ARHGAP33: variants seen among roughly 807,000 people sequenced by gnomAD.
The protein encoded by ARHGAP33 is Rho GTPase activating protein 33.
In ARHGAP33, 57 loss-of-function variants were observed where a neutral mutation model predicts 126.2. The observed-to-expected ratio is 0.45, with a 90% CI of 0.36 to 0.56. ARHGAP33 has a LOEUF of 0.56. Ranked by LOEUF, ARHGAP33 falls within the 20% of genes least tolerant of loss-of-function variation. The probability of loss-of-function intolerance (pLI) is 0.00; values close to 1 mark genes in which losing one functional copy is unlikely to be tolerated. For synonymous variants in ARHGAP33, 711 were observed against 755.0 expected (o/e 0.94, Z 0.95); for missense variants, 1,500 against 1,748.3 (o/e 0.86, Z 2.53).
intron 12 of ARHGAP33, 111 bp downstream of exon 12, chr19:35,781,363 A>G (rs1599783100): frequency 2.7e-6 from 3 of 1,118,844 alleles, no homozygotes; most frequent in Non-Finnish European, 2.7e-6. Context: ...GAGTGGCAGG[A>G]TCAAGGCTGG....
intron 12 of ARHGAP33, 63 bp downstream of exon 12, chr19:35,781,315 C>A: frequency 6.6e-7 from 1 of 1,517,092 alleles, no homozygotes; most frequent in South Asian, 1.1e-5. Context: ...CACTCCAGCC[C>A]CGTGCTGCAT....
rs1442014033 is a variant in ARHGAP33 at position 35,785,179 on chromosome 19, C to A, written c.1722-10C>A. Reference sequence around the variant, plus strand: ...CTCAGACGGCCTCCTGTTTCTCCCCCAAACCGCAGGAGGAAAGGGGAGAGA... The same window carrying A: ...CTCAGACGGCCTCCTGTTTCTCCCCAAAACCGCAGGAGGAAAGGGGAGAGA... On this transcript the variant is annotated splice_polypyrimidine_tract_variant and intron_variant, in intron 17 of 20. Coordinates refer to ENST00000007510, the MANE Select transcript of ARHGAP33 (RefSeq NM_001366178.1). 13 of 1,576,114 alleles carry A rather than the reference C, an allele frequency of 8.2e-6. No homozygotes were observed. Among genetic ancestry groups the A allele is most frequent in the Non-Finnish European group, 1.1e-5 (13 of 1,156,962 alleles).
rs1599800676 is a variant in ARHGAP33, at chr19:35,786,654, A to G, written c.2184A>G (p.Pro728=). Residue 728 remains proline, a synonymous_variant, in exon 20 of 21, where the codon CCA becomes CCG. Transcript: ENST00000007510. This position sits in a 1 kb window ranked among gnomAD's most constrained non-coding sequence, Gnocchi z 7.0. ...LDDGDELDFS[P]PRCLEGLRGL... ...ATGGTGATGAGCTGGACTTCAGCCC[A>G]CCCCGCTGCCTGGAGGGACTCCGGG... is the stretch of plus-strand genomic sequence containing the variant. 6.5e-7 allele frequency: 1 copy of G among 1,534,574 alleles called. No individual in the cohort carries two copies. Among genetic ancestry groups the G allele is most frequent in the South Asian group, 1.2e-5 (1 of 84,018 alleles).
chr19:35,784,821 C>T (rs1972018199), intron 16 of ARHGAP33, 132 bp from the exon 17 acceptor site: 15 of 1,391,322 alleles, frequency 1.1e-5, no homozygotes, highest in Non-Finnish European at 1.1e-5. Context: ...CCGCCTGATC[C>T]GCCCCGGCCC....
chr19:35,788,209 G>A lies in ARHGAP33; in HGVS notation c.3644G>A (p.Gly1215Glu). The change falls in exon 21 of 21, where the codon GGA (glycine) becomes GAA (glutamate). Residue 1215 changes from glycine (G) to glutamate (E), a missense_variant. Coordinates refer to ENST00000007510, the MANE Select transcript of ARHGAP33 (RefSeq NM_001366178.1). ...RLPQKQRAPW[G>E]PRTPHRVPGP... ...CCCCAGAAACAACGGGCACCCTGGGGACCCCGTACCCCTCATAGGGTGCCG... is the reference window on the plus strand; with the variant it reads ...CCCCAGAAACAACGGGCACCCTGGGAACCCCGTACCCCTCATAGGGTGCCG... The A allele has an allele frequency of 6.2e-7, 1 of 1,608,248 alleles. No homozygotes were observed. Among genetic ancestry groups the A allele is most frequent in the East Asian group, 2.2e-5 (1 of 44,644 alleles).
Position 35,786,593 on chromosome 19 carries a change from G to T in ARHGAP33, c.2123G>T (p.Gly708Val), listed in dbSNP as rs952236428. 64 of 1,535,610 alleles carry T rather than the reference G, an allele frequency of 4.2e-5. No individual in the cohort carries two copies. The highest frequency in any genetic ancestry group is 5.4e-5 in the Non-Finnish European group (62 of 1,146,766). The change falls in exon 20 of 21, where the codon GGG (glycine) becomes GTG (valine). Residue 708 changes from glycine to valine, a missense_variant. By Grantham distance (109) the Gly-to-Val change is moderately radical (BLOSUM62 -3). Coordinates refer to ENST00000007510, the MANE Select transcript of ARHGAP33 (RefSeq NM_001366178.1). The surrounding 1 kb of genome is among the most constrained non-coding windows in gnomAD (Gnocchi z 7.0). ...SSAAGLGALS[G>V]SPSHRTSAWL... ...GCAGCTGGGCTGGGGGCACTCTCTG[G>T]GTCTCCCTCACACCGTACCTCAGCC...
At chr19:35,784,360 C>A (rs752962107) in intron 16 of ARHGAP33, 43 bp downstream of exon 16, 14 of 1,510,434 alleles carry the variant, frequency 9.3e-6, no homozygotes, top group Middle Eastern at 1.8e-4. Flanking sequence ...CTGCCCACCA[C>A]GATCAGGGCT....
Position 35,779,144 on chromosome 19 carries a change from T to A in ARHGAP33, c.501+20T>A, listed in dbSNP as rs1204910758. The A allele has an allele frequency of 6.5e-7, 1 of 1,545,392 alleles. No homozygotes were observed. Among genetic ancestry groups the A allele is most frequent in the African/African-American group, 1.4e-5 (1 of 72,964 alleles). ...ATGGAGGTGGGCCTGGGCAGGGGGC[T>A]TGGAGATTCCGAGTGGGTGAGGGGG... On this transcript the variant is annotated intron_variant, in intron 6 of 20. Coordinates refer to ENST00000007510, the MANE Select transcript of ARHGAP33 (RefSeq NM_001366178.1).
rs369631509 is a variant in ARHGAP33 at position 35,787,748 on chromosome 19, G to T, written c.3183G>T (p.Gln1061His). ...ACCCCCTGGGCCCCCCATCCTTCCA[G>T]CCCAGTTCCCCAGCCCCAGTCTGGA... ...GLYPLGPPSF[Q>H]PSSPAPVWRS... is the part of the protein sequence containing the mutation. The change falls in exon 21 of 21, where the codon CAG becomes CAT. Residue 1061 changes from glutamine to histidine, a missense_variant. By Grantham distance (24) the Gln-to-His change is conservative. Coordinates refer to ENST00000007510, the MANE Select transcript of ARHGAP33 (RefSeq NM_001366178.1). 150 of 1,578,770 alleles carry T rather than the reference G, an allele frequency of 9.5e-5. No homozygotes were observed. Among genetic ancestry groups the T allele is most frequent in the Non-Finnish European group, 1.1e-4 (131 of 1,168,708 alleles).
chr19:35,788,433 C>T lies in ARHGAP33; in HGVS notation c.*4C>T. ...CCAGACCCGAAGCTACTGCTGAGCA[C>T]CAGCTGGGAGGGGCCGTCCTTCCTT... On this transcript the variant is annotated 3_prime_UTR_variant, in exon 21 of 21. Coordinates refer to ENST00000007510, the MANE Select transcript of ARHGAP33 (RefSeq NM_001366178.1). 6.5e-7 allele frequency: 1 copy of T among 1,536,822 alleles called. No homozygotes were observed. The highest frequency in any genetic ancestry group is 8.8e-7 in the Non-Finnish European group (1 of 1,139,932).
rs1187335497 is a variant in ARHGAP33 at position 35,786,288 on chromosome 19, G to GCT, written c.1943-122_1943-121dup. 1 of 1,435,884 alleles carries GCT rather than the reference G, an allele frequency of 7.0e-7. No homozygotes were observed. Among genetic ancestry groups the GCT allele is most frequent in the Non-Finnish European group, 9.1e-7 (1 of 1,099,540 alleles). 88.9% of individuals were successfully genotyped at this position (1,435,884 alleles called of 1,614,324 possible). On this transcript the variant is annotated intron_variant, in intron 19 of 20. Transcript: ENST00000007510. The surrounding 1 kb of genome is among the most constrained non-coding windows in gnomAD (Gnocchi z 7.0). ...ATGGTCTCCACTGTCAATCTGAACA[G>GCT]CTCTTCCTGGCTTCACACTACTGTG...
At position 35,788,026 on chromosome 19, in the gene ARHGAP33, C is replaced by A. The variant is rs1236584167; in HGVS notation, c.3461C>A (p.Ala1154Asp). The stretch of plus-strand genomic sequence containing the variant: ...CCCCCTGACCACCTTGGCTACTCAG[C>A]CCCCCAGCACCCTGCTCGGCGCCCT... ...CFPPDHLGYS[A>D]PQHPARRPTP... is the part of the protein sequence containing the mutation. Residue 1154 changes from alanine to aspartate, a missense_variant, in exon 21 of 21, where the codon GCC (alanine) becomes GAC (aspartate). By Grantham distance (126) the Ala-to-Asp change is moderately radical. Coordinates refer to ENST00000007510, the MANE Select transcript of ARHGAP33 (RefSeq NM_001366178.1). The A allele has an allele frequency of 6.2e-7, 1 of 1,604,252 alleles. No homozygotes were observed. The highest frequency in any genetic ancestry group is 8.5e-7 in the Non-Finnish European group (1 of 1,175,388).
intron 20 of ARHGAP33, 34 bp downstream of exon 20, chr19:35,787,106 C>T: frequency 6.3e-7 from 1 of 1,599,394 alleles, no homozygotes; most frequent in South Asian, 1.1e-5. Context: ...CCTGTCCCCG[C>T]CAGCTGTCAC....
intron 15 of ARHGAP33, among the ~76,000 whole-genome samples, chr19:35,783,353 C>T (rs767080457): frequency 5.9e-5 from 9 of 152,162 alleles, no homozygotes; most frequent in Non-Finnish European, 8.8e-5. Flanking sequence ...TGTCAGAGGA[C>T]GGGCGTAAGA....
intron 15 of ARHGAP33, among the ~76,000 whole-genome samples, chr19:35,783,358 G>A (rs971212809): frequency 2.0e-5 from 3 of 152,228 alleles, no homozygotes; most frequent in African/African-American, 4.8e-5. Context: ...GAGGACGGGC[G>A]TAAGATGTAC....
rs550109624 is a variant in ARHGAP33 at position 35,782,067 on chromosome 19, G to C, written c.1086-306G>C. Among the ~76,000 whole-genome samples, 2 of 152,310 alleles carry C rather than the reference G, an allele frequency of 1.3e-5. No individual in the cohort carries two copies. The highest frequency in any genetic ancestry group is 4.1e-4 in the South Asian group (2 of 4,832). On this transcript the variant is annotated intron_variant, in intron 12 of 20. Transcript: ENST00000007510. The surrounding 1 kb of genome is among the most constrained non-coding windows in gnomAD (Gnocchi z 4.1). Reference sequence around the variant, plus strand: ...TTTTCCAGTGCCCTCTTACAGCCAGGAGAATGGCAGCTGCATGGTAGGAGC... The same window carrying C: ...TTTTCCAGTGCCCTCTTACAGCCAGCAGAATGGCAGCTGCATGGTAGGAGC...
At position 35,780,322 on chromosome 19, in the gene ARHGAP33, C is replaced by T; in HGVS notation, c.613C>T (p.Leu205=). Residue 205 remains leucine, a synonymous_variant, in exon 7 of 21, where the codon CTG becomes TTG. Transcript: ENST00000007510. ...GTATACAGCCCAGGCGCCAGATGAG[C>T]TGTCCTTTGAGGTGAGGCTGTGGGG... ...KRYTAQAPDE[L]SFEVGDIVSV... is the part of the protein sequence containing the mutation. 6.2e-7 allele frequency: 1 copy of T among 1,613,776 alleles called. No individual in the cohort carries two copies. The highest frequency in any genetic ancestry group is 1.7e-5 in the Admixed American group (1 of 60,020).
rs940929366 is a variant in ARHGAP33 at position 35,786,035 on chromosome 19, C to T, written c.1943-378C>T. On this transcript the variant is annotated intron_variant, in intron 19 of 20. Coordinates refer to ENST00000007510, the MANE Select transcript of ARHGAP33 (RefSeq NM_001366178.1). The surrounding 1 kb of genome is among the most constrained non-coding windows in gnomAD (Gnocchi z 7.0). ...CGCCGCGCTGCTGGGTGCTGCTCTC[C>T]GACCTCTGCGGGGGGCTGCTTATCC... is the stretch of plus-strand genomic sequence containing the variant. The T allele has an allele frequency of 6.8e-5, 78 of 1,142,394 alleles. No individual in the cohort carries two copies. The Admixed American group carries it at 1.3e-3, about 20-fold the overall frequency. 70.8% of individuals were successfully genotyped at this position (1,142,394 alleles called of 1,614,324 possible).
intron 9 of ARHGAP33, 54 bp downstream of exon 9, chr19:35,780,702 C>T (rs1203908836): frequency 3.7e-6 from 6 of 1,611,754 alleles, no homozygotes; most frequent in South Asian, 3.3e-5. Flanking sequence ...GGGGTGGGGC[C>T]TCCTGCGTCT....
Sources: allele counts gnomAD v4.1 joint callset (sites outside exome capture counted in the v4.1 genomes callset), GRCh38; gene constraint gnomAD v4.1.1; non-coding constraint Gnocchi (gnomAD v3.1); transcripts MANE v1.5; gene names NCBI Gene and HGNC (gene_info 2026-07-23, HGNC 2026-07-21).